The following DNAAF4 variants were observed in gnomAD, a reference collection of about 807,000 sequenced individuals.
DNAAF4 encodes the protein dynein axonemal assembly factor 4, also known as dynein assembly factor 4, axonemal.
A neutral mutation model predicts 51.8 loss-of-function variants in DNAAF4; 43 were observed. The observed-to-expected ratio is 0.83, with a 90% CI of 0.65 to 1.07. The LOEUF (loss-of-function observed/expected upper bound fraction) is 1.07. DNAAF4 is among the 50% of genes least tolerant of loss of function. The pLI, the probability that DNAAF4 is intolerant of heterozygous loss-of-function variation, is 0.00. For missense variants in DNAAF4, 581 were observed against 493.0 expected, an observed-to-expected ratio of 1.18 and a Z score of -1.69; for synonymous variants, 194 against 165.6, an observed-to-expected ratio of 1.17 and a Z score of -1.32.
At chr15:55,474,614 A>G (rs2058310966) in intron 4 of DNAAF4, among the ~76,000 whole-genome samples, 1 of 152,212 alleles carries the variant, frequency 6.6e-6, no homozygotes, top group Admixed American at 6.6e-5. Flanking sequence ...ATAATTAGAA[A>G]CTACAATGGA....
chr15:55,483,071 A>G (rs2058434040), intron 4 of DNAAF4, among the ~76,000 whole-genome samples: 1 of 152,080 alleles, frequency 6.6e-6, no homozygotes, highest in African/African-American at 2.4e-5. Context: ...AGTGACTGCT[A>G]ATGAAAATAG....
At chr15:55,486,057 A>G (rs77102505) in intron 4 of DNAAF4, among the ~76,000 whole-genome samples, 7,534 of 150,956 alleles carry the variant, frequency 0.05, 265 homozygotes, top group East Asian at 0.15. Flanking sequence ...AAAAAAAAGC[A>G]CATTTTGGAA....
At chr15:55,430,923 T>C (rs2057482108) in intron 9 of DNAAF4, 144 bp from the exon 10 acceptor site, 4 of 600,398 alleles carry the variant, frequency 6.7e-6, no homozygotes, top group Non-Finnish European at 1.1e-5. Flanking sequence ...ATTCCCATCT[T>C]TTTTTTTTGA....
intron 4 of DNAAF4, among the ~76,000 whole-genome samples, chr15:55,473,259 A>ATATATGTG (rs1297053096): frequency 4.3e-5 from 5 of 115,608 alleles, no homozygotes; most frequent in Non-Finnish European, 8.8e-5. Flanking sequence ...GTGTATATAT[A>ATATATGTG]TGTGTATATA....
intron 7 of DNAAF4, among the ~76,000 whole-genome samples, chr15:55,423,059 G>C (rs1566994955): frequency 6.6e-6 from 1 of 151,700 alleles, no homozygotes; most frequent in Non-Finnish European, 1.5e-5. Flanking sequence ...CGGTAGAGAG[G>C]AAAACTTTAT....
exon 8 of DNAAF4, chr15:55,417,911 G>T (rs976052159): frequency 2.5e-5 from 12 of 471,488 alleles, no homozygotes; most frequent in Non-Finnish European, 4.5e-5. Flanking sequence ...GGCGGGCAGG[G>T]GCAGGGGTCA....
intron 4 of DNAAF4, among the ~76,000 whole-genome samples, chr15:55,485,375 T>G (rs1421343917): frequency 6.6e-6 from 1 of 152,204 alleles, no homozygotes; most frequent in East Asian, 1.9e-4. Context: ...TTTTTGTACA[T>G]TAGTTATACA....
rs1473479715 is a variant in DNAAF4 at position 55,497,865 on chromosome 15, C to T, written c.124-6G>A. 2 of 1,592,514 alleles carry T rather than the reference C, an allele frequency of 1.3e-6. No individual in the cohort carries two copies. The highest frequency in any genetic ancestry group is 1.2e-5 in the South Asian group (1 of 86,560). ...AAAAATGGAGGAAAGTTGACCTATG[C>T]AGAAGGGTGAAAACAGAAACTAAGT... On this transcript the variant is annotated splice_region_variant and splice_polypyrimidine_tract_variant and intron_variant, in intron 2 of 9. Transcript: ENST00000321149.
At chr15:55,417,783 AC>A (rs1232774532) in exon 8 of DNAAF4, 2 of 208,184 alleles carry the variant, frequency 9.6e-6, no homozygotes, top group African/African-American at 4.7e-5. Flanking sequence ...CTTTTTAATC[AC>A]CTGGGTGGAG....
chr15:55,432,677 G>A, intron 8 of DNAAF4, 75 bp from the exon 9 acceptor site: 1 of 1,339,146 alleles, frequency 7.5e-7, no homozygotes, highest in Middle Eastern at 2.0e-4. Flanking sequence ...TGGGCATGGT[G>A]GCTCACGCCT....
At chr15:55,493,309 G>A (rs1399632089) in intron 3 of DNAAF4, among the ~76,000 whole-genome samples, 1 of 152,164 alleles carries the variant, frequency 6.6e-6, no homozygotes, top group East Asian at 1.9e-4. Context: ...ATTATTTGTT[G>A]CCTATCTTCA....
intron 3 of DNAAF4, among the ~76,000 whole-genome samples, chr15:55,496,032 G>A (rs1012519057): frequency 6.6e-5 from 10 of 152,206 alleles, no homozygotes; most frequent in African/African-American, 2.4e-4. Context: ...TTTGAGACCA[G>A]CCTGGCCAAC....
At chr15:55,432,178 C>T (rs1026500893) in intron 9 of DNAAF4, among the ~76,000 whole-genome samples, 10 of 151,848 alleles carry the variant, frequency 6.6e-5, no homozygotes, top group African/African-American at 2.4e-4. Context: ...CTCGAACTCC[C>T]GACCTCAGGT....
intron 6 of DNAAF4, among the ~76,000 whole-genome samples, chr15:55,443,777 T>G (rs2057753681): frequency 6.6e-6 from 1 of 152,228 alleles, no homozygotes; most frequent in African/African-American, 2.4e-5. Flanking sequence ...TGGTTTTGAT[T>G]TGCATTTCTC....
chr15:55,501,182 G>A (rs2058695822), intron 1 of DNAAF4, among the ~76,000 whole-genome samples: 1 of 149,900 alleles, frequency 6.7e-6, no homozygotes, highest in African/African-American at 2.5e-5. Context: ...TCCTGCCTCA[G>A]CCTCCTGAGT....
At chr15:55,442,543 A>G in intron 6 of DNAAF4, 1 of 875,692 alleles carries the variant, frequency 1.1e-6, no homozygotes, top group Non-Finnish European at 2.0e-6. Context: ...TTCTCCCTAC[A>G]GGGATTCAGC....
chr15:55,500,854 T>C (rs2058693283), intron 1 of DNAAF4, among the ~76,000 whole-genome samples: 1 of 151,622 alleles, frequency 6.6e-6, no homozygotes, highest in Non-Finnish European at 1.5e-5. Context: ...TAGCCAGGCA[T>C]GGTGGCACAT....
rs532769945 is a variant in DNAAF4 at position 55,436,359 on chromosome 15, G to A, written c.894-1301C>T. The stretch of plus-strand genomic sequence containing the variant: ...TCTTCTTGGAGAAATGCCTATTTAA[G>A]TTCTTTGCCCATTATTATTATTTTT... On this transcript the variant is annotated intron_variant, in intron 7 of 9. Transcript: ENST00000321149. 2.0e-5 allele frequency among the ~76,000 whole-genome samples: 3 copies of A among 152,104 alleles called. No individual in the cohort carries two copies. The South Asian group carries it at 6.2e-4, about 32-fold the overall frequency.
At chr15:55,418,542 A>C (rs1262383636) in intron 7 of DNAAF4, 20 of 1,494,068 alleles carry the variant, frequency 1.3e-5, no homozygotes, top group Non-Finnish European at 1.7e-5. Context: ...AGAACTCTTG[A>C]TTTTCCTAAT....
Sources: allele counts gnomAD v4.1 joint callset (sites outside exome capture counted in the v4.1 genomes callset), GRCh38; gene constraint gnomAD v4.1.1; transcripts MANE v1.5; gene names NCBI Gene and HGNC (gene_info 2026-07-23, HGNC 2026-07-21).